Variants in TMOD1 observed in about 807,000 individuals in gnomAD.
TMOD1 encodes tropomodulin-1.
In TMOD1, 17 loss-of-function variants were observed where a neutral mutation model predicts 40.6. The observed-to-expected ratio is 0.42, with a 90% confidence interval of 0.29 to 0.63. The LOEUF (loss-of-function observed/expected upper bound fraction) is 0.63, where lower values mean the gene tolerates loss of function less well. Ranked by LOEUF, TMOD1 falls within the 20% of genes least tolerant of loss-of-function variation. The pLI is 0.22. For synonymous variants in TMOD1, 181 were observed against 175.0 expected (o/e 1.03, Z -0.27); for missense variants, 391 against 447.6 (o/e 0.87, Z 1.14).
intron 2 of TMOD1, among the ~76,000 whole-genome samples, chr9:97,545,302 C>G (rs1363941772): frequency 6.6e-6 from 1 of 152,218 alleles, no homozygotes; most frequent in Non-Finnish European, 1.5e-5. Flanking sequence ...CTGATGATCT[C>G]TAAGCATCCT....
chr9:97,562,720 T>C lies in TMOD1; in HGVS notation c.398-12T>C, dbSNP rs1309415775. ...CAGAGGCACATCATGAGCCCTTCCCTTGTCCCTGCAGCGATCCTGGGCATG... is the reference window on the plus strand; with the variant it reads ...CAGAGGCACATCATGAGCCCTTCCCCTGTCCCTGCAGCGATCCTGGGCATG... On this transcript the variant is annotated splice_polypyrimidine_tract_variant and intron_variant, in intron 4 of 9. Coordinates refer to ENST00000259365, the MANE Select transcript of TMOD1 (RefSeq NM_003275.4). The C allele has an allele frequency of 6.5e-7, 1 of 1,528,658 alleles. No homozygotes were observed. The highest frequency in any genetic ancestry group is 8.7e-7 in the Non-Finnish European group (1 of 1,144,022). The allele number at this position is 1,528,658 out of a possible 1,614,324, so 94.7% of individuals were successfully genotyped here. A position where few individuals can be genotyped will look rare whatever the true frequency, so the allele number is the denominator to read the frequency against.
At chr9:97,534,449 G>C (rs1830149630) in intron 2 of TMOD1, among the ~76,000 whole-genome samples, 1 of 152,152 alleles carries the variant, frequency 6.6e-6, no homozygotes. Flanking sequence ...AGTGAACCTT[G>C]GTCTCATCCT....
intron 1 of TMOD1, among the ~76,000 whole-genome samples, chr9:97,510,362 C>T (rs1476689911): frequency 6.6e-6 from 1 of 152,102 alleles, no homozygotes; most frequent in Non-Finnish European, 1.5e-5. Flanking sequence ...TCCCGAGTAG[C>T]TGGAATTACA....
rs138675064 is a variant in TMOD1, at chr9:97,589,923, A to G, written c.871-1368A>G. Among the ~76,000 whole-genome samples, 7 of 152,218 alleles carry G rather than the reference A, an allele frequency of 4.6e-5. No homozygotes were observed. In the East Asian group the frequency reaches 1.2e-3, roughly 25 times the overall value. On this transcript the variant is annotated intron_variant, in intron 8 of 9. Transcript: ENST00000259365. The stretch of plus-strand genomic sequence containing the variant: ...AATCCAAACAATACAATAAGATATA[A>G]AGAAGGAAACAAAAACTTTCTCCCC...
chr9:97,551,443 C>T (rs7875496), intron 3 of TMOD1, among the ~76,000 whole-genome samples: 37,278 of 152,108 alleles, frequency 0.25, 4,771 homozygotes, highest in Middle Eastern at 0.37. Context: ...TGTCTCAATA[C>T]CATTTGTTGA....
intron 8 of TMOD1, among the ~76,000 whole-genome samples, chr9:97,586,539 C>T (rs1184494902): frequency 1.3e-5 from 2 of 151,606 alleles, no homozygotes; most frequent in Non-Finnish European, 2.9e-5. Flanking sequence ...CCACCCAGTT[C>T]GAGCTTCCCG....
chr9:97,552,088 AG>A (rs1156512067), intron 3 of TMOD1, among the ~76,000 whole-genome samples: 1 of 152,220 alleles, frequency 6.6e-6, no homozygotes, highest in Non-Finnish European at 1.5e-5. Context: ...GTGGAAATTC[AG>A]GGTTTTCTAT....
intron 8 of TMOD1, among the ~76,000 whole-genome samples, chr9:97,573,966 T>C (rs1219684789): frequency 2.6e-5 from 4 of 152,194 alleles, no homozygotes; most frequent in African/African-American, 4.8e-5. Context: ...TTTGCAGATA[T>C]TAAGTCATCA....
intron 8 of TMOD1, among the ~76,000 whole-genome samples, chr9:97,577,892 T>A (rs1461555617): frequency 6.6e-6 from 1 of 152,214 alleles, no homozygotes; most frequent in Non-Finnish European, 1.5e-5. Flanking sequence ...TTTATGACAT[T>A]GTTTAGCATG....
intron 2 of TMOD1, among the ~76,000 whole-genome samples, chr9:97,540,402 G>A (rs763558057): frequency 1.3e-5 from 2 of 152,132 alleles, no homozygotes; most frequent in African/African-American, 2.4e-5. Context: ...TCTTCTTATA[G>A]GGACACCAAT....
At chr9:97,503,718 A>G (rs775196030) in intron 1 of TMOD1, among the ~76,000 whole-genome samples, 33 of 152,330 alleles carry the variant, frequency 2.2e-4, no homozygotes, top group Non-Finnish European at 4.0e-4. Context: ...CAGCAAAAAC[A>G]GAAAACACAA....
At chr9:97,522,713 C>T (rs553218981) in intron 1 of TMOD1, among the ~76,000 whole-genome samples, 17 of 152,118 alleles carry the variant, frequency 1.1e-4, no homozygotes, top group African/African-American at 2.9e-4. Context: ...AGGTGCTGCA[C>T]GACCACACCC....
intron 2 of TMOD1, among the ~76,000 whole-genome samples, chr9:97,533,353 G>A (rs1446097470): frequency 6.6e-6 from 1 of 152,238 alleles, no homozygotes; most frequent in Non-Finnish European, 1.5e-5. Context: ...ATGTGAGCCT[G>A]AGTATATGAT....
At chr9:97,563,976 G>C in intron 5 of TMOD1, 62 bp from the exon 6 acceptor site, 3 of 1,492,634 alleles carry the variant, frequency 2.0e-6, no homozygotes, top group Non-Finnish European at 2.7e-6. Flanking sequence ...CAGTATCTTT[G>C]TGTTGGCAGA....
chr9:97,530,578 C>A (rs1470300610), intron 2 of TMOD1, among the ~76,000 whole-genome samples: 1 of 151,640 alleles, frequency 6.6e-6, no homozygotes, highest in Non-Finnish European at 1.5e-5. Context: ...AGCTCTGCCT[C>A]CCGGGTCCAC....
intron 8 of TMOD1, among the ~76,000 whole-genome samples, chr9:97,575,047 C>T (rs1036315286): frequency 6.6e-6 from 1 of 152,230 alleles, no homozygotes; most frequent in Non-Finnish European, 1.5e-5. Context: ...AGTGGCAACC[C>T]GCTCGGGTCC....
intron 1 of TMOD1, among the ~76,000 whole-genome samples, chr9:97,503,809 C>A (rs576085474): frequency 2.9e-4 from 44 of 152,198 alleles, no homozygotes; most frequent in Non-Finnish European, 5.6e-4. Flanking sequence ...AACTCTGCCA[C>A]CCACTCAGAG....
chr9:97,587,014 C>A (rs1267044388), intron 8 of TMOD1, among the ~76,000 whole-genome samples: 4 of 152,234 alleles, frequency 2.6e-5, no homozygotes, highest in Admixed American at 6.5e-5. Flanking sequence ...TCCTATTCGG[C>A]CATCTTGGCT....
rs142575924 is a variant in TMOD1 at position 97,601,106 on chromosome 9, G to T, written c.*1408G>T. ...GGGCCAGGGCCTCAGCGCTATGGAA[G>T]AGTGTCCACTGAGGCTGCACATGGC... On this transcript the variant is annotated 3_prime_UTR_variant, in exon 10 of 10. Transcript: ENST00000259365. 11 of 1,304,322 alleles carry T rather than the reference G, an allele frequency of 8.4e-6. No individual in the cohort carries two copies. The East Asian group carries it at 4.4e-4, about 53-fold the overall frequency. 80.8% of individuals were successfully genotyped at this position (1,304,322 alleles called of 1,614,324 possible). A position where few individuals can be genotyped will look rare whatever the true frequency, so the allele number is the denominator to read the frequency against.
Sources: gnomAD v4.1 joint callset for allele counts (sites outside exome capture counted in the v4.1 genomes callset) on GRCh38, gnomAD v4.1.1 for gene constraint, MANE v1.5 for transcripts, NCBI Gene and HGNC (gene_info 2026-07-23, HGNC 2026-07-21) for gene names.